The following CDK14 variants were observed in gnomAD, a reference collection of about 807,000 sequenced individuals.
CDK14 encodes the protein cyclin-dependent kinase 14.
In CDK14, 34 loss-of-function variants were observed where a neutral mutation model predicts 60.7. The observed-to-expected ratio is 0.56, with a 90% CI of 0.43 to 0.75. The LOEUF is 0.75. CDK14 is among the 30% of genes least tolerant of loss of function. The pLI, the probability that CDK14 is intolerant of heterozygous loss-of-function variation, is 0.00. For synonymous variants in CDK14, 197 were observed against 203.7 expected, an observed-to-expected ratio of 0.97 and a Z score of 0.28; for missense variants, 482 against 564.1, an observed-to-expected ratio of 0.85 and a Z score of 1.47.
At chr7:90,716,870 C>T (rs1181914324) in intron 2 of CDK14, among the ~76,000 whole-genome samples, 3 of 151,976 alleles carry the variant, frequency 2.0e-5, no homozygotes, top group African/African-American at 2.4e-5. Context: ...TGGTTTAGTG[C>T]ACCATGTCTC....
At chr7:90,628,736 C>T (rs1304927457) in intron 2 of CDK14, among the ~76,000 whole-genome samples, 2 of 152,012 alleles carry the variant, frequency 1.3e-5, no homozygotes, top group Non-Finnish European at 2.9e-5. Flanking sequence ...TCAGGAGACT[C>T]AAGGCGGGAG....
At chr7:90,971,152 G>GTT (rs1562850707) in intron 9 of CDK14, among the ~76,000 whole-genome samples, 8 of 47,474 alleles carry the variant, frequency 1.7e-4, no homozygotes, top group African/African-American at 2.5e-4. Context: ...GAGAACATGT[G>GTT]GTTTTTTTTT....
At position 91,007,836 on chromosome 7, in the gene CDK14, A is replaced by G. The variant is rs1208738747; in HGVS notation, c.1041+23595A>G. ...ACAAGTACTTTATTTTTATTTTTAC[A>G]CATGTCCTTCTATGTCCATCTGTCA... On this transcript the variant is annotated intron_variant, in intron 10 of 14. Coordinates refer to ENST00000380050, the MANE Select transcript of CDK14 (RefSeq NM_001287135.2). Among the ~76,000 whole-genome samples the G allele has an allele frequency of 3.3e-5, 5 of 152,226 alleles. No individual in the cohort carries two copies. The East Asian group carries it at 9.6e-4, about 29-fold the overall frequency.
chr7:91,137,628 G>GCACACA (rs1370544073), intron 14 of CDK14, among the ~76,000 whole-genome samples: 1 of 151,322 alleles, frequency 6.6e-6, no homozygotes, highest in Non-Finnish European at 1.5e-5. Context: ...ACACACACAC[G>GCACACA]CACACACACA....
At chr7:90,886,256 G>A (rs529549669) in intron 6 of CDK14, among the ~76,000 whole-genome samples, 144 of 152,100 alleles carry the variant, frequency 9.5e-4, no homozygotes, top group African/African-American at 3.0e-3. Context: ...GCCAAATAGG[G>A]TTTCTACTGT....
chr7:90,611,811 T>C (rs890324755), intron 2 of CDK14, among the ~76,000 whole-genome samples: 1 of 151,398 alleles, frequency 6.6e-6, no homozygotes, highest in Non-Finnish European at 1.5e-5. Context: ...TTGACTCTTA[T>C]CAAACAGTTA....
chr7:91,009,600 G>A (rs1245299122), intron 10 of CDK14, among the ~76,000 whole-genome samples: 1 of 152,138 alleles, frequency 6.6e-6, no homozygotes, highest in Admixed American at 6.5e-5. Flanking sequence ...TTAATGGTGA[G>A]CATCTTTTCA....
chr7:91,190,770 G>A (rs1001474968), intron 14 of CDK14, among the ~76,000 whole-genome samples: 3 of 149,864 alleles, frequency 2.0e-5, no homozygotes, highest in East Asian at 2.4e-4. Context: ...GAATACAGGC[G>A]TGAGCCACCC....
chr7:91,084,979 G>A (rs370306493), intron 12 of CDK14, among the ~76,000 whole-genome samples: 1 of 152,194 alleles, frequency 6.6e-6, no homozygotes, highest in Admixed American at 6.5e-5. Context: ...GATGGAATTA[G>A]GCTTTCTCGA....
intron 14 of CDK14, among the ~76,000 whole-genome samples, chr7:91,129,474 T>G (rs1229442186): frequency 6.6e-6 from 1 of 152,204 alleles, no homozygotes; most frequent in Non-Finnish European, 1.5e-5. Flanking sequence ...CCTAAGTCAT[T>G]TCCACTGGAT....
At chr7:91,053,812 G>A (rs891901547) in intron 11 of CDK14, among the ~76,000 whole-genome samples, 1 of 152,106 alleles carries the variant, frequency 6.6e-6, no homozygotes, top group African/African-American at 2.4e-5. Context: ...ACTGCGGGGG[G>A]GCTCTTTGTG....
At chr7:91,086,871 T>A (rs1393425991) in intron 12 of CDK14, among the ~76,000 whole-genome samples, 2 of 152,240 alleles carry the variant, frequency 1.3e-5, no homozygotes, top group African/African-American at 4.8e-5. Flanking sequence ...ATTTAGTGAA[T>A]GTTCAGCCTC....
At chr7:91,119,064 T>TACATATAC (rs60916357) in intron 14 of CDK14, among the ~76,000 whole-genome samples, 12,503 of 152,092 alleles carry the variant, frequency 0.082, 835 homozygotes, top group East Asian at 0.33. Flanking sequence ...TACATATATA[T>TACATATAC]ACATATACAT....
rs899319643 is a variant in CDK14 at position 91,208,495 on chromosome 7, A to G, written c.*1359A>G. 1.3e-5 allele frequency: 2 copies of G among 152,334 alleles called. No individual in the cohort carries two copies. The highest frequency in any genetic ancestry group is 2.4e-5 in the African/African-American group (1 of 41,480). The allele number at this position is 152,334 out of a possible 1,614,324, so 9.4% of individuals were successfully genotyped here. A position where few individuals can be genotyped will look rare whatever the true frequency, so the allele number is the denominator to read the frequency against. Reference sequence around the variant, plus strand: ...GGGACAGTTAGGAGACTTCATCTAAAGCATGAAACCTAGCTCCTCTACACA... The same window carrying G: ...GGGACAGTTAGGAGACTTCATCTAAGGCATGAAACCTAGCTCCTCTACACA... On this transcript the variant is annotated 3_prime_UTR_variant, in exon 15 of 15. Transcript: ENST00000380050.
chr7:90,866,071 T>C (rs928094620), intron 6 of CDK14, among the ~76,000 whole-genome samples: 10 of 152,174 alleles, frequency 6.6e-5, no homozygotes, highest in Admixed American at 6.5e-4. Context: ...GTGAAACTGC[T>C]TTATAGTTTG....
chr7:90,899,380 G>A (rs767470602), intron 7 of CDK14, 27 bp downstream of exon 7: 4 of 1,560,206 alleles, frequency 2.6e-6, no homozygotes, highest in Non-Finnish European at 3.5e-6. Flanking sequence ...TTAAGCCAAA[G>A]GTTAGCATTC....
At chr7:90,707,695 C>A (rs962670533) in intron 2 of CDK14, among the ~76,000 whole-genome samples, 4 of 152,160 alleles carry the variant, frequency 2.6e-5, no homozygotes, top group Admixed American at 6.5e-5. Flanking sequence ...GTTATTTCCT[C>A]ATACAGCTTC....
chr7:90,935,307 A>T (rs1301690171), intron 8 of CDK14, among the ~76,000 whole-genome samples: 1 of 152,254 alleles, frequency 6.6e-6, no homozygotes, highest in African/African-American at 2.4e-5. Flanking sequence ...CATGAATTTG[A>T]GAATTGATAA....
chr7:90,867,688 A>G (rs1400911352), intron 6 of CDK14, among the ~76,000 whole-genome samples: 1 of 152,134 alleles, frequency 6.6e-6, no homozygotes, highest in Non-Finnish European at 1.5e-5. Flanking sequence ...GGGGGTGGAT[A>G]CAAGATGGAT....
Sources: allele counts gnomAD v4.1 joint callset (sites outside exome capture counted in the v4.1 genomes callset), GRCh38; gene constraint gnomAD v4.1.1; transcripts MANE v1.5; gene names NCBI Gene and HGNC (gene_info 2026-07-23, HGNC 2026-07-21).